The following SLC1A7 variants were observed in gnomAD, a reference collection of about 807,000 sequenced individuals.
SLC1A7 encodes the protein excitatory amino acid transporter 5.
A neutral mutation model predicts 47.7 loss-of-function variants in SLC1A7; 40 were observed. The ratio of observed to expected loss-of-function variants is 0.84; its 90% CI spans 0.65 to 1.09. The LOEUF is 1.09. Ranked by LOEUF, SLC1A7 falls within the 50% of genes least tolerant of loss-of-function variation. SLC1A7 has a pLI of 0.00. For synonymous variants in SLC1A7, 323 were observed against 325.6 expected, an observed-to-expected ratio of 0.99 and a Z score of 0.09; for missense variants, 746 against 769.5, an observed-to-expected ratio of 0.97 and a Z score of 0.36.
intron 2 of SLC1A7, chr1:53,115,379 C>T (rs1449732247): frequency 1.8e-5 from 4 of 216,360 alleles, no homozygotes; most frequent in East Asian, 1.3e-4. Flanking sequence ...CCAGGCAGGA[C>T]CAAGCTTGGT....
chr1:53,118,011 G>A lies in SLC1A7; in HGVS notation c.216-3038C>T, dbSNP rs185382431. On this transcript the variant is annotated intron_variant, in intron 2 of 10. Coordinates refer to ENST00000371494, the MANE Select transcript of SLC1A7 (RefSeq NM_006671.6). ...CCGCGGGAACTGCTGGTGACAGCTG[G>A]CAGCACAGGCCAGCCTCCCCCGGAG... Among the ~76,000 whole-genome samples the A allele has an allele frequency of 8.2e-4, 125 of 152,394 alleles. 1 individual carries two copies. The highest frequency in any genetic ancestry group is 2.9e-3 in the African/African-American group (119 of 41,600).
intron 3 of SLC1A7, 102 bp downstream of exon 3, chr1:53,114,656 G>A (rs1322939853): frequency 9.4e-6 from 9 of 962,204 alleles, no homozygotes; most frequent in East Asian, 5.2e-5. Flanking sequence ...CATGGACTCC[G>A]TGATCACCCC....
chr1:53,096,188 C>A (rs1202390470), intron 5 of SLC1A7, among the ~76,000 whole-genome samples: 2 of 151,214 alleles, frequency 1.3e-5, no homozygotes, highest in Non-Finnish European at 2.9e-5. Context: ...CCCACATGCC[C>A]CACGTTGTTA....
intron 10 of SLC1A7, 164 bp from the exon 11 acceptor site, chr1:53,088,391 C>T (rs2150312281): frequency 3.4e-6 from 2 of 587,284 alleles, no homozygotes; most frequent in Admixed American, 3.2e-5. Context: ...CCTCCCTGGG[C>T]TCCTGTTCCC....
chr1:53,128,418 A>G (rs1175472924), intron 2 of SLC1A7, among the ~76,000 whole-genome samples: 1 of 144,582 alleles, frequency 6.9e-6, no homozygotes, highest in Non-Finnish European at 1.5e-5. Flanking sequence ...TGAAAGTTAC[A>G]GTGAGCTGTG....
chr1:53,094,167 T>C (rs1644457774), intron 5 of SLC1A7, among the ~76,000 whole-genome samples: 1 of 152,252 alleles, frequency 6.6e-6, no homozygotes, highest in Non-Finnish European at 1.5e-5. Context: ...TCCCGTCTCC[T>C]CTGCGAGGTT....
At chr1:53,101,163 A>G (rs1186909276) in intron 5 of SLC1A7, among the ~76,000 whole-genome samples, 1 of 147,540 alleles carries the variant, frequency 6.8e-6, no homozygotes, top group Non-Finnish European at 1.5e-5. Flanking sequence ...GTACACTTAC[A>G]CACCCTGCCT....
rs770267397 is a variant in SLC1A7, at chr1:53,092,723, C to T, written c.862G>A (p.Ala288Thr). 7.4e-6 allele frequency: 12 copies of T among 1,613,988 alleles called. No individual in the cohort carries two copies. In the South Asian group the frequency reaches 1.2e-4, roughly 16 times the overall value. The change falls in exon 7 of 11, where the codon GCC becomes ACC. Residue 288 changes from alanine (A) to threonine (T), a missense_variant. Coordinates refer to ENST00000371494, the MANE Select transcript of SLC1A7 (RefSeq NM_006671.6). ...TAGAAGCCCAGCTTCTTGCCGACGG[C>T]CCTGGGGTCGTCCATCTCCAGGATC... ...GKILEMDDPR[A>T]VGKKLGFYSV...
rs573179988 is a variant in SLC1A7 at position 53,099,214 on chromosome 1, C to T, written c.697+4132G>A. Among the ~76,000 whole-genome samples the T allele has an allele frequency of 5.1e-3, 775 of 151,336 alleles. 8 individuals carry two copies. Among genetic ancestry groups the T allele is most frequent in the Middle Eastern group, 0.034 (10 of 290 alleles). ...CCTGCCTTGGTACACTCATACACAC[C>T]GCCTCAGTACACTCACACACCGCCT... On this transcript the variant is annotated intron_variant, in intron 5 of 10. Coordinates refer to ENST00000371494, the MANE Select transcript of SLC1A7 (RefSeq NM_006671.6).
intron 3 of SLC1A7, among the ~76,000 whole-genome samples, chr1:53,107,153 TAAA>T (rs11417607): frequency 1.1e-3 from 26 of 24,336 alleles, no homozygotes; most frequent in East Asian, 1.5e-3. Context: ...AGACTCTGAC[TAAA>T]AAAAAAAAAA....
Position 53,114,978 on chromosome 1 carries a change from G to C in SLC1A7, c.216-5C>G. 1.2e-6 allele frequency: 2 copies of C among 1,612,596 alleles called. No individual in the cohort carries two copies. The highest frequency in any genetic ancestry group is 1.7e-6 in the Non-Finnish European group (2 of 1,179,320). On this transcript the variant is annotated splice_region_variant and splice_polypyrimidine_tract_variant and intron_variant, in intron 2 of 10. Coordinates refer to ENST00000371494, the MANE Select transcript of SLC1A7 (RefSeq NM_006671.6). ...GAGGCAAGTCCGGACATCAAGCTGG[G>C]AGGGCGAGGGGGTCAGGGGCTGTGG...
chr1:53,123,316 G>A (rs3766791), intron 2 of SLC1A7, among the ~76,000 whole-genome samples: 21,144 of 152,262 alleles, frequency 0.14, 1,671 homozygotes, highest in Non-Finnish European at 0.18. Flanking sequence ...GGCCCCTGGA[G>A]TCTGCCCCGC....
intron 3 of SLC1A7, among the ~76,000 whole-genome samples, chr1:53,106,529 G>A (rs1394062255): frequency 2.0e-5 from 3 of 151,688 alleles, no homozygotes; most frequent in African/African-American, 4.8e-5. Context: ...GCGTGAACCC[G>A]GCGGAGCTTG....
At chr1:53,089,505 G>A (rs775339373) in intron 9 of SLC1A7, among the ~76,000 whole-genome samples, 2 of 152,188 alleles carry the variant, frequency 1.3e-5, no homozygotes, top group African/African-American at 2.4e-5. Context: ...GAATTCCTGG[G>A]CTCAAGGAAT....
At chr1:53,134,284 G>A (rs1303474051) in intron 2 of SLC1A7, 66 bp downstream of exon 2, 1 of 1,170,772 alleles carries the variant, frequency 8.5e-7, no homozygotes, top group African/African-American at 1.5e-5. Context: ...GCAGGAGCAG[G>A]GCAGCAACAG....
rs879404388 is a variant in SLC1A7, at chr1:53,128,966, G to A, written c.215+5384C>T. Among the ~76,000 whole-genome samples the A allele has an allele frequency of 7.1e-5, 10 of 141,230 alleles. 2 individuals are homozygous for A. Among genetic ancestry groups the A allele is most frequent in the Non-Finnish European group, 1.4e-4 (9 of 64,008 alleles). The allele number at this position is 141,230 out of a possible 152,430, so 92.7% of individuals were successfully genotyped here. On this transcript the variant is annotated intron_variant, in intron 2 of 10. Coordinates refer to ENST00000371494, the MANE Select transcript of SLC1A7 (RefSeq NM_006671.6). The stretch of plus-strand genomic sequence containing the variant: ...GGCCAAGGTGGGCGGATCACCTGAG[G>A]TCAGGAGTTCGAGACCAGCCTGGCC...
intron 2 of SLC1A7, among the ~76,000 whole-genome samples, chr1:53,133,807 C>T (rs565027543): frequency 6.6e-6 from 1 of 151,996 alleles, no homozygotes; most frequent in South Asian, 2.1e-4. Context: ...CATCTCGCAC[C>T]ATCCCGCCCT....
At chr1:53,101,874 A>G (rs3766775) in intron 5 of SLC1A7, among the ~76,000 whole-genome samples, 86,954 of 147,810 alleles carry the variant, frequency 0.59, 27,384 homozygotes, top group Non-Finnish European at 0.72. Flanking sequence ...GTACACTCAC[A>G]CTCTTTGTCT....
chr1:53,137,609 G>C lies in SLC1A7; in HGVS notation c.136-3180C>G, dbSNP rs1445296379. Among the ~76,000 whole-genome samples the C allele has an allele frequency of 3.3e-5, 5 of 152,178 alleles. No individual in the cohort carries two copies. In the East Asian group the frequency reaches 9.6e-4, roughly 29 times the overall value. ...CAAACAGTGTTTACCATTGAGCCAA[G>C]TAATGTACTACAACCATGTCTCCTT... On this transcript the variant is annotated intron_variant, in intron 1 of 10. Transcript: ENST00000371494.
Sources: allele counts gnomAD v4.1 joint callset (sites outside exome capture counted in the v4.1 genomes callset), GRCh38; gene constraint gnomAD v4.1.1; transcripts MANE v1.5; gene names NCBI Gene and HGNC (gene_info 2026-07-23, HGNC 2026-07-21).